The following ELFN2 variants were observed in gnomAD, a reference collection of about 807,000 sequenced individuals.
ELFN2 encodes the protein protein phosphatase 1 regulatory subunit 29.
A neutral mutation model predicts 45.5 loss-of-function variants in ELFN2; 17 were observed. The ratio of observed to expected loss-of-function variants is 0.37; its 90% CI spans 0.26 to 0.56. The LOEUF (loss-of-function observed/expected upper bound fraction) is 0.56, where lower values mean the gene tolerates loss of function less well. ELFN2 is among the 20% of genes least tolerant of loss of function. The pLI, the probability that ELFN2 is intolerant of heterozygous loss-of-function variation, is 0.77. For synonymous variants in ELFN2, 550 were observed against 551.5 expected, an observed-to-expected ratio of 1.00 and a Z score of 0.04; for missense variants, 922 against 1,183.2, an observed-to-expected ratio of 0.78 and a Z score of 3.24.
chr22:37,348,580 C>T (rs1251369020), intron 1 of ELFN2, among the ~76,000 whole-genome samples: 5 of 150,388 alleles, frequency 3.3e-5, no homozygotes, highest in Admixed American at 2.0e-4. Flanking sequence ...CAGCCCCGGG[C>T]CAGATCAGAC....
At chr22:37,378,876 C>T (rs752277942) in intron 2 of ELFN2, among the ~76,000 whole-genome samples, 3 of 152,270 alleles carry the variant, frequency 2.0e-5, no homozygotes, top group African/African-American at 7.2e-5. Flanking sequence ...CAGCTGTTCA[C>T]GCACTCAAGG....
chr22:37,355,906 G>A (rs891773549), intron 1 of ELFN2, among the ~76,000 whole-genome samples: 6 of 152,204 alleles, frequency 3.9e-5, no homozygotes, highest in African/African-American at 7.2e-5. Context: ...AGAGTGTTCA[G>A]CGTCTTTTGT....
At chr22:37,407,975 A>T (rs1932548733) in intron 2 of ELFN2, among the ~76,000 whole-genome samples, 1 of 152,284 alleles carries the variant, frequency 6.6e-6, no homozygotes, top group East Asian at 1.9e-4. Context: ...ACCTCAGAGC[A>T]ACCCCTCTCC....
Position 37,405,440 on chromosome 22 carries a change from C to T in ELFN2, c.-463+12329G>A, listed in dbSNP as rs536449642. On this transcript the variant is annotated intron_variant, in intron 2 of 2. Transcript: ENST00000402918. Reference sequence around the variant, plus strand: ...AATGGGGATAGTGAAGGTATCAACCCCATGGCTCATGGGGTCACTGTAAAC... The same window carrying T: ...AATGGGGATAGTGAAGGTATCAACCTCATGGCTCATGGGGTCACTGTAAAC... Among the ~76,000 whole-genome samples, 21 of 152,094 alleles carry T rather than the reference C, an allele frequency of 1.4e-4. No individual in the cohort carries two copies. In the South Asian group the frequency reaches 4.2e-3, roughly 30 times the overall value.
chr22:37,373,265 G>A lies in ELFN2; in HGVS notation c.2270C>T (p.Ser757Phe). ...GCTCTCGGATGAGTACTCGGGGCTGGAGGAGTACCCTGAGTAGTAGTGTCT... is the reference window on the plus strand; with the variant it reads ...GCTCTCGGATGAGTACTCGGGGCTGAAGGAGTACCCTGAGTAGTAGTGTCT... The part of the protein sequence containing the change: ...SPRHYYSGYS[S>F]SPEYSSESTH... Residue 757 changes from serine to phenylalanine, a missense_variant, in exon 3 of 3, where the codon TCC (serine) becomes TTC (phenylalanine). Physicochemically the swap from Ser to Phe is radical, Grantham distance 155 (BLOSUM62 -2). This residue lies in a region of ELFN2 where 564 missense variants were observed against 642.8 expected (regional missense o/e 0.88). Coordinates refer to ENST00000402918, the MANE Select transcript of ELFN2 (RefSeq NM_052906.5). 1 of 1,613,884 alleles carries A rather than the reference G, an allele frequency of 6.2e-7. No homozygotes were observed.
At chr22:37,394,068 T>C (rs1224564859) in intron 2 of ELFN2, among the ~76,000 whole-genome samples, 2 of 152,188 alleles carry the variant, frequency 1.3e-5, no homozygotes, top group East Asian at 3.9e-4. Context: ...CTCGTACAGA[T>C]GCAGGGATGG....
chr22:37,366,062 C>T (rs920170997), downstream of ELFN2, among the ~76,000 whole-genome samples: 2 of 152,184 alleles, frequency 1.3e-5, no homozygotes, highest in Non-Finnish European at 2.9e-5. Flanking sequence ...TGTGGGCTCA[C>T]GGCGTTTGCT....
Position 37,375,839 on chromosome 22 carries a change from T to TCTC in ELFN2, c.-306_-305insGAG, listed in dbSNP as rs771588245. The TCTC allele has an allele frequency of 7.9e-6, 2 of 252,424 alleles. No homozygotes were observed. The highest frequency in any genetic ancestry group is 6.6e-5 in the African/African-American group (2 of 30,208). 15.6% of individuals were successfully genotyped at this position (252,424 alleles called of 1,614,324 possible). ...TTCTCAGGGCTTGACTTCCTCTCCCTCCTCCTCCTCCTCCTCCTCCTCCTC... is the reference window on the plus strand; with the variant it reads ...TTCTCAGGGCTTGACTTCCTCTCCCTCTCCCTCCTCCTCCTCCTCCTCCTCCTC... On this transcript the variant is annotated 5_prime_UTR_variant, in exon 3 of 3. Coordinates refer to ENST00000402918, the MANE Select transcript of ELFN2 (RefSeq NM_052906.5).
Position 37,373,456 on chromosome 22 carries a change from GC to G in ELFN2, c.2078del (p.Gly693AlafsTer7). On this transcript the variant is annotated frameshift_variant, in exon 3 of 3. Coordinates refer to ENST00000402918, the MANE Select transcript of ELFN2 (RefSeq NM_052906.5). LOFTEE classifies it high-confidence loss of function. ...GSGGGSGGGGGIHHLEVKPAY... is the reference protein window; with the variant it reads ...GSGGGSGGGGXIHHLEVKPAY... ...CCGGCTTCACCTCCAGGTGGTGGAT[GC>G]CCCCGCCCCCGCCGCTGCCCCCGCC... The G allele has an allele frequency of 6.6e-7, 1 of 1,521,396 alleles. No homozygotes were observed. The allele number at this position is 1,521,396 out of a possible 1,614,324, so 94.2% of individuals were successfully genotyped here.
At chr22:37,394,879 C>A (rs771840412) in intron 2 of ELFN2, among the ~76,000 whole-genome samples, 4 of 151,992 alleles carry the variant, frequency 2.6e-5, no homozygotes, top group Admixed American at 1.3e-4. Context: ...CCGAGGCGGG[C>A]GGATCACGAG....
chr22:37,400,494 A>G (rs896435622), intron 2 of ELFN2, among the ~76,000 whole-genome samples: 2 of 152,222 alleles, frequency 1.3e-5, no homozygotes, highest in Middle Eastern at 3.2e-3. Context: ...ACCAAACCTG[A>G]CTACCAAGAA....
chr22:37,410,923 G>T (rs71328610), intron 2 of ELFN2, among the ~76,000 whole-genome samples: 1 of 152,078 alleles, frequency 6.6e-6, no homozygotes, highest in African/African-American at 2.4e-5. Context: ...ACCCAGAACC[G>T]GGACTCCACA....
chr22:37,424,654 T>C (rs1359310844), intron 1 of ELFN2, among the ~76,000 whole-genome samples: 2 of 150,276 alleles, frequency 1.3e-5, no homozygotes, highest in Non-Finnish European at 3.0e-5. Context: ...TAATCAAATG[T>C]GTCTCCCTGT....
chr22:37,400,777 A>C (rs1454506620), intron 2 of ELFN2, among the ~76,000 whole-genome samples: 1 of 152,264 alleles, frequency 6.6e-6, no homozygotes, highest in Admixed American at 6.5e-5. Context: ...CATGCCGGAC[A>C]CAGGCCCTGC....
intron 2 of ELFN2, among the ~76,000 whole-genome samples, chr22:37,403,136 C>T (rs937080143): frequency 6.6e-6 from 1 of 152,156 alleles, no homozygotes; most frequent in East Asian, 1.9e-4. Flanking sequence ...ATTCTTCCCT[C>T]TCTCACCAAT....
intron 2 of ELFN2, among the ~76,000 whole-genome samples, chr22:37,393,736 G>C (rs1932140232): frequency 6.6e-6 from 1 of 152,158 alleles, no homozygotes. Flanking sequence ...GGGGTCCCCA[G>C]AGCGTCCCCA....
intron 2 of ELFN2, among the ~76,000 whole-genome samples, chr22:37,411,846 G>C (rs1932656141): frequency 6.6e-6 from 1 of 152,090 alleles, no homozygotes; most frequent in African/African-American, 2.4e-5. Context: ...TAAGAAAACT[G>C]AGACCAGGAC....
At chr22:37,380,294 C>T (rs1158650403) in intron 2 of ELFN2, among the ~76,000 whole-genome samples, 1 of 151,766 alleles carries the variant, frequency 6.6e-6, no homozygotes, top group Admixed American at 6.6e-5. Context: ...GCAGGCCCAA[C>T]CAGCTCTGAG....
intron 2 of ELFN2, among the ~76,000 whole-genome samples, chr22:37,397,134 C>T (rs754429362): frequency 6.6e-6 from 1 of 152,112 alleles, no homozygotes; most frequent in Non-Finnish European, 1.5e-5. Flanking sequence ...TCCTTGAATC[C>T]CTGGTCTGGC....
Sources: gnomAD v4.1 joint callset for allele counts (sites outside exome capture counted in the v4.1 genomes callset) on GRCh38, gnomAD v4.1.1 for gene constraint, gnomAD v4.1.1 regional missense constraint, MANE v1.5 for transcripts, NCBI Gene and HGNC (gene_info 2026-07-23, HGNC 2026-07-21) for gene names.